Variants in GABRA4 observed in about 807,000 individuals in gnomAD.
The protein encoded by GABRA4 is gamma-aminobutyric acid receptor subunit alpha-4.
GABRA4 carries 12 observed loss-of-function variants against 49.7 expected under a neutral mutation model. That is an observed-to-expected ratio of 0.24 (90% CI 0.15 to 0.39). The LOEUF (loss-of-function observed/expected upper bound fraction) is 0.39. GABRA4 is among the 10% of genes least tolerant of loss of function. The probability of loss-of-function intolerance (pLI) is 1.00; values close to 1 mark genes in which losing one functional copy is unlikely to be tolerated. For synonymous variants in GABRA4, 288 were observed against 240.2 expected (o/e 1.20, Z -1.84); for missense variants, 506 against 686.0 (o/e 0.74, Z 2.93).
At chr4:46,950,671 A>C (rs1400844667) in intron 8 of GABRA4, among the ~76,000 whole-genome samples, 1 of 151,026 alleles carries the variant, frequency 6.6e-6, no homozygotes, top group Admixed American at 6.6e-5. Flanking sequence ...GCTTCCACTT[A>C]TCATTGCCCT....
In GABRA4 at chr4:46,954,720, T is replaced by C. The variant is rs557519645; in HGVS notation, c.1134+10250A>G. Among the ~76,000 whole-genome samples, 3 of 152,260 alleles carry C rather than the reference T, an allele frequency of 2.0e-5. No homozygotes were observed. In the South Asian group the frequency reaches 6.2e-4, roughly 32 times the overall value. On this transcript the variant is annotated intron_variant, in intron 8 of 8. Coordinates refer to ENST00000264318, the MANE Select transcript of GABRA4 (RefSeq NM_000809.4). ...AAATGGAAACCTAAGTATTAGGTTG[T>C]GTGATTAAAGCTACACTACACTGGA... is the stretch of plus-strand genomic sequence containing the variant.
chr4:46,967,842 C>T (rs1049947661), intron 7 of GABRA4, among the ~76,000 whole-genome samples: 25 of 151,718 alleles, frequency 1.6e-4, no homozygotes, highest in Middle Eastern at 3.4e-3. Flanking sequence ...AAAGACTGTA[C>T]ACAAGAGTGA....
In GABRA4 at chr4:46,926,094, AC is replaced by A. The variant is rs1287351886; in HGVS notation, c.*2130del. On this transcript the variant is annotated 3_prime_UTR_variant, in exon 9 of 9. Coordinates refer to ENST00000264318, the MANE Select transcript of GABRA4 (RefSeq NM_000809.4). ...ACCAAAAACAACAACAACAACAACA[AC>A]AACAACAACAAAACCAGCCTTTTCA... is the stretch of plus-strand genomic sequence containing the variant. 6.6e-6 allele frequency: 1 copy of A among 151,808 alleles called. No individual in the cohort carries two copies. The highest frequency in any genetic ancestry group is 1.5e-5 in the Non-Finnish European group (1 of 67,880). 9.4% of individuals were successfully genotyped at this position (151,808 alleles called of 1,614,324 possible).
chr4:46,977,483 C>G lies in GABRA4; in HGVS notation c.421G>C (p.Val141Leu), dbSNP rs1723186313. The G allele has an allele frequency of 6.2e-7, 1 of 1,611,862 alleles. No individual in the cohort carries two copies. Among genetic ancestry groups the G allele is most frequent in the Non-Finnish European group, 8.5e-7 (1 of 1,178,460 alleles). The change falls in exon 4 of 9, where the codon GTC becomes CTC. Residue 141 changes from valine to leucine, a missense_variant. Around this residue, in one of 5 missense-constraint regions of GABRA4, gnomAD observed 195 missense variants for 326.0 expected, o/e 0.60. Coordinates refer to ENST00000264318, the MANE Select transcript of GABRA4 (RefSeq NM_000809.4). Reference sequence around the variant, plus strand: ...TTTGGAGCTGTCATATTATGTGAGACAGATTTCTTTCCATTCCTGAAGAAA... The same window carrying G: ...TTTGGAGCTGTCATATTATGTGAGAGAGATTTCTTTCCATTCCTGAAGAAA... ...DTFFRNGKKS[V>L]SHNMTAPNKL...
intron 8 of GABRA4, among the ~76,000 whole-genome samples, chr4:46,945,749 G>C (rs776574325): frequency 6.6e-6 from 1 of 152,050 alleles, no homozygotes; most frequent in Non-Finnish European, 1.5e-5. Flanking sequence ...CAGGCATATA[G>C]CTTCCACTCT....
rs1478787950 is a variant in GABRA4, at chr4:46,926,145, C to T, written c.*2080G>A. The stretch of plus-strand genomic sequence containing the variant: ...ATCAGAATAGTGAACTATCAGTTTC[C>T]AGCATAGTTCCTGGAACAAAGTACG... On this transcript the variant is annotated 3_prime_UTR_variant, in exon 9 of 9. Coordinates refer to ENST00000264318, the MANE Select transcript of GABRA4 (RefSeq NM_000809.4). 1 of 151,818 alleles carries T rather than the reference C, an allele frequency of 6.6e-6. No homozygotes were observed. The highest frequency in any genetic ancestry group is 2.1e-4 in the South Asian group (1 of 4,822). 9.4% of individuals were successfully genotyped at this position (151,818 alleles called of 1,614,324 possible).
At chr4:46,937,210 A>G (rs1048761196) in intron 8 of GABRA4, among the ~76,000 whole-genome samples, 19 of 152,192 alleles carry the variant, frequency 1.2e-4, no homozygotes, top group Admixed American at 9.2e-4. Flanking sequence ...CGCAGTAAGA[A>G]AACAGCTATC....
At position 46,919,667 on chromosome 4, in the gene GABRA4, A is replaced by G. The variant is rs1428047065; in HGVS notation, c.*8558T>C. ...AAACAATTTTAAAATTATTCAAGAG[A>G]AGAAAGAAGGGAATGGACTTCATAT... On this transcript the variant is annotated 3_prime_UTR_variant, in exon 9 of 9. Transcript: ENST00000264318. The G allele has an allele frequency of 6.6e-6, 1 of 151,658 alleles. No individual in the cohort carries two copies. Among genetic ancestry groups the G allele is most frequent in the Non-Finnish European group, 1.5e-5 (1 of 67,610 alleles). The allele number at this position is 151,658 out of a possible 1,614,324, so 9.4% of individuals were successfully genotyped here.
Position 46,920,182 on chromosome 4 carries a change from C to A in GABRA4, c.*8043G>T, listed in dbSNP as rs1028835101. On this transcript the variant is annotated 3_prime_UTR_variant, in exon 9 of 9. Coordinates refer to ENST00000264318, the MANE Select transcript of GABRA4 (RefSeq NM_000809.4). ...TATACATTGTCTGTTATCAGAGCTT[C>A]TTTTACTTCCCTCTAAGGAAGCTGT... 6.6e-6 allele frequency: 1 copy of A among 151,640 alleles called. No homozygotes were observed. Among genetic ancestry groups the A allele is most frequent in the Admixed American group, 6.6e-5 (1 of 15,200 alleles). 9.4% of individuals were successfully genotyped at this position (151,640 alleles called of 1,614,324 possible).
chr4:46,944,076 G>T (rs1371799421), intron 8 of GABRA4, among the ~76,000 whole-genome samples: 2 of 152,100 alleles, frequency 1.3e-5, no homozygotes, highest in East Asian at 1.9e-4. Context: ...CGGGACTACG[G>T]TTAATCATAC....
chr4:46,986,043 C>T lies in GABRA4; in HGVS notation c.205+6785G>A, dbSNP rs369767689. On this transcript the variant is annotated intron_variant, in intron 2 of 8. Coordinates refer to ENST00000264318, the MANE Select transcript of GABRA4 (RefSeq NM_000809.4). ...TGAACTTCTGAAAAAAATCTATCAACGGTACCTCTGATTCTTCTTATTCAC... is the reference window on the plus strand; with the variant it reads ...TGAACTTCTGAAAAAAATCTATCAATGGTACCTCTGATTCTTCTTATTCAC... Among the ~76,000 whole-genome samples, 136 of 152,116 alleles carry T rather than the reference C, an allele frequency of 8.9e-4. 1 individual carries two copies. Among genetic ancestry groups the T allele is most frequent in the African/African-American group, 2.9e-3 (119 of 41,548 alleles).
intron 8 of GABRA4, among the ~76,000 whole-genome samples, chr4:46,963,717 T>G (rs955087508): frequency 6.6e-6 from 1 of 151,836 alleles, no homozygotes; most frequent in Non-Finnish European, 1.5e-5. Flanking sequence ...TCAACATCAC[T>G]GATCATCAGA....
intron 2 of GABRA4, among the ~76,000 whole-genome samples, chr4:46,988,558 A>C (rs576497828): frequency 6.6e-6 from 1 of 152,352 alleles, no homozygotes; most frequent in African/African-American, 2.4e-5. Context: ...AACATAGATC[A>C]TTTGAAAACA....
At chr4:46,956,272 C>T (rs1429024105) in intron 8 of GABRA4, among the ~76,000 whole-genome samples, 1 of 151,952 alleles carries the variant, frequency 6.6e-6, no homozygotes, top group Non-Finnish European at 1.5e-5. Flanking sequence ...GATGAATTGT[C>T]GGTACTGCCT....
chr4:46,986,055 T>C (rs963267214), intron 2 of GABRA4, among the ~76,000 whole-genome samples: 1 of 152,072 alleles, frequency 6.6e-6, no homozygotes, highest in Non-Finnish European at 1.5e-5. Context: ...GTACCTCTGA[T>C]TCTTCTTATT....
chr4:46,929,557 A>G (rs1418296766), intron 8 of GABRA4, among the ~76,000 whole-genome samples: 3 of 152,118 alleles, frequency 2.0e-5, no homozygotes, highest in African/African-American at 7.2e-5. Flanking sequence ...ATTATATTTG[A>G]AGAAAGTTGT....
At chr4:46,951,194 C>T (rs969278188) in intron 8 of GABRA4, among the ~76,000 whole-genome samples, 11 of 151,654 alleles carry the variant, frequency 7.3e-5, no homozygotes, top group African/African-American at 2.7e-4. Context: ...TATATGTGAC[C>T]CTCAAAAAGC....
At chr4:46,992,756 CACAG>C (rs1049347920) in intron 2 of GABRA4, 68 bp downstream of exon 2, 82 of 1,082,336 alleles carry the variant, frequency 7.6e-5, no homozygotes, top group South Asian at 2.4e-4. Flanking sequence ...ATGATATTCC[CACAG>C]ACAGACAGAC....
At chr4:46,954,322 G>T (rs997353325) in intron 8 of GABRA4, among the ~76,000 whole-genome samples, 1 of 151,862 alleles carries the variant, frequency 6.6e-6, no homozygotes, top group Non-Finnish European at 1.5e-5. Context: ...TTTGGGAGGC[G>T]GAGGCTGGTG....
Sources: gnomAD v4.1 joint callset for allele counts (sites outside exome capture counted in the v4.1 genomes callset) on GRCh38, gnomAD v4.1.1 for gene constraint, gnomAD v4.1.1 regional missense constraint, MANE v1.5 for transcripts, NCBI Gene and HGNC (gene_info 2026-07-23, HGNC 2026-07-21) for gene names.